KCNQ5: variants seen among roughly 807,000 people sequenced by gnomAD.
KCNQ5 encodes potassium voltage-gated channel subfamily Q member 5.
Under a neutral mutation model 98.2 loss-of-function variants are expected in KCNQ5, and 30 were observed. That is an observed-to-expected ratio of 0.31 (90% CI 0.23 to 0.41). The LOEUF (loss-of-function observed/expected upper bound fraction) is 0.41. KCNQ5 is among the 10% of genes least tolerant of loss of function. KCNQ5 has a pLI of 1.00. For missense variants in KCNQ5, 835 were observed against 1,182.5 expected, an observed-to-expected ratio of 0.71 and a Z score of 4.31; for synonymous variants, 458 against 449.4, an observed-to-expected ratio of 1.02 and a Z score of -0.24.
intron 1 of KCNQ5, among the ~76,000 whole-genome samples, chr6:72,905,280 C>G (rs1354826825): frequency 6.6e-6 from 1 of 152,064 alleles, no homozygotes; most frequent in African/African-American, 2.4e-5. Flanking sequence ...CTTCACTTCT[C>G]ATATCATTTG....
At chr6:73,074,316 A>T (rs1023653783) in intron 3 of KCNQ5, among the ~76,000 whole-genome samples, 2 of 152,226 alleles carry the variant, frequency 1.3e-5, no homozygotes, top group African/African-American at 2.4e-5. Context: ...GCAAAATTCC[A>T]GTGGATGACT....
intron 1 of KCNQ5, among the ~76,000 whole-genome samples, chr6:72,689,057 C>T (rs1374962090): frequency 6.6e-6 from 1 of 152,146 alleles, no homozygotes; most frequent in Non-Finnish European, 1.5e-5. Context: ...GTTCATTACT[C>T]ATTCAAAGTT....
intron 1 of KCNQ5, among the ~76,000 whole-genome samples, chr6:72,973,395 C>G (rs1319589541): frequency 6.6e-6 from 1 of 151,832 alleles, no homozygotes; most frequent in East Asian, 1.9e-4. Context: ...ATTTTTTTGT[C>G]AAGCATTTTG....
intron 1 of KCNQ5, among the ~76,000 whole-genome samples, chr6:72,898,183 A>C (rs1350246981): frequency 3.9e-5 from 6 of 152,148 alleles, no homozygotes; most frequent in Non-Finnish European, 7.3e-5. Flanking sequence ...TTTAAGTTCC[A>C]GGATACATGT....
intron 1 of KCNQ5, among the ~76,000 whole-genome samples, chr6:72,641,746 G>T (rs12212562): frequency 0.17 from 25,539 of 151,928 alleles, 2,467 homozygotes; most frequent in Middle Eastern, 0.25. Context: ...AAGGAGAAAA[G>T]AATTTTGGTA....
In KCNQ5 at chr6:73,111,410, G is replaced by A. The variant is rs765290049; in HGVS notation, c.1125+7G>A. The A allele has an allele frequency of 4.4e-6, 7 of 1,588,998 alleles. No homozygotes were observed. The South Asian group carries it at 6.7e-5, about 15-fold the overall frequency. ...AGCTGCCAACCTCATTCAGGTAAAT[G>A]TCAATGTAATAGGTAGATGGCAACA... On this transcript the variant is annotated splice_region_variant and intron_variant, in intron 7 of 13. Coordinates refer to ENST00000370398, the MANE Select transcript of KCNQ5 (RefSeq NM_019842.4).
chr6:73,065,607 T>C (rs1285048484), intron 3 of KCNQ5, among the ~76,000 whole-genome samples: 3 of 152,228 alleles, frequency 2.0e-5, no homozygotes, highest in Admixed American at 6.5e-5. Context: ...CGCTATCATA[T>C]AATACTTAGA....
chr6:72,665,776 C>T (rs539698852), intron 1 of KCNQ5, among the ~76,000 whole-genome samples: 5 of 152,248 alleles, frequency 3.3e-5, no homozygotes, highest in Admixed American at 1.3e-4. Context: ...AGTTATATAA[C>T]GCACACTCTG....
intron 1 of KCNQ5, among the ~76,000 whole-genome samples, chr6:72,807,414 A>G (rs924237581): frequency 3.9e-5 from 6 of 152,244 alleles, no homozygotes; most frequent in Admixed American, 1.3e-4. Context: ...TATAAATGAT[A>G]CATTTAATTA....
At position 72,818,323 on chromosome 6, in the gene KCNQ5, T is replaced by C. The variant is rs139983162; in HGVS notation, c.399-185585T>C. Reference sequence around the variant, plus strand: ...AACCATACGTCTCTGATTTAATAAATTTTCTGAGTCTGTATTAATACAGTT... The same window carrying C: ...AACCATACGTCTCTGATTTAATAAACTTTCTGAGTCTGTATTAATACAGTT... On this transcript the variant is annotated intron_variant, in intron 1 of 13. Coordinates refer to ENST00000370398, the MANE Select transcript of KCNQ5 (RefSeq NM_019842.4). 1.9e-3 allele frequency among the ~76,000 whole-genome samples: 291 copies of C among 152,222 alleles called. 3 individuals are homozygous for C. Among genetic ancestry groups the C allele is most frequent in the Admixed American group, 0.013 (203 of 15,282 alleles).
chr6:73,027,376 G>A (rs546305559), intron 2 of KCNQ5, among the ~76,000 whole-genome samples: 2 of 152,254 alleles, frequency 1.3e-5, no homozygotes, highest in South Asian at 4.2e-4. Flanking sequence ...ACACGTATTT[G>A]CATAGTAATT....
At chr6:72,854,965 G>A (rs189271485) in intron 1 of KCNQ5, among the ~76,000 whole-genome samples, 287 of 151,962 alleles carry the variant, frequency 1.9e-3, no homozygotes, top group Non-Finnish European at 3.3e-3. Flanking sequence ...TTGTACCATG[G>A]ATAATGATAC....
At chr6:72,770,010 A>G (rs1482659898) in intron 1 of KCNQ5, among the ~76,000 whole-genome samples, 2 of 152,066 alleles carry the variant, frequency 1.3e-5, no homozygotes, top group African/African-American at 2.4e-5. Flanking sequence ...AAAACTTTCA[A>G]TAAAAGAAAC....
chr6:72,652,825 C>G (rs1049247126), intron 1 of KCNQ5, among the ~76,000 whole-genome samples: 2 of 152,072 alleles, frequency 1.3e-5, no homozygotes, highest in Non-Finnish European at 2.9e-5. Flanking sequence ...ACAAGAGGCT[C>G]TAAGTATGAT....
intron 1 of KCNQ5, among the ~76,000 whole-genome samples, chr6:72,877,946 G>T (rs1778485166): frequency 6.6e-6 from 1 of 152,184 alleles, no homozygotes; most frequent in South Asian, 2.1e-4. Flanking sequence ...ATACAGTTAA[G>T]TTTCAGTTAA....
intron 1 of KCNQ5, among the ~76,000 whole-genome samples, chr6:72,636,187 A>G (rs2098924026): frequency 6.6e-6 from 1 of 152,340 alleles, no homozygotes; most frequent in East Asian, 1.9e-4. Context: ...GAATTATTAT[A>G]TAAAAATGCA....
intron 1 of KCNQ5, among the ~76,000 whole-genome samples, chr6:72,631,460 T>C (rs939171209): frequency 6.6e-6 from 1 of 151,890 alleles, no homozygotes; most frequent in African/African-American, 2.4e-5. Flanking sequence ...GACAAAAAGA[T>C]GGTCAGGGTT....
intron 1 of KCNQ5, among the ~76,000 whole-genome samples, chr6:72,943,001 C>T (rs1028331903): frequency 6.6e-6 from 1 of 152,078 alleles, no homozygotes; most frequent in Non-Finnish European, 1.5e-5. Flanking sequence ...ATTAAATAAT[C>T]GATTTTTTTA....
intron 1 of KCNQ5, among the ~76,000 whole-genome samples, chr6:72,943,923 G>A (rs938253662): frequency 3.9e-5 from 6 of 152,170 alleles, no homozygotes; most frequent in Admixed American, 2.6e-4. Context: ...GCTGTATAAG[G>A]CAGAAAGTAT....
Sources: gnomAD v4.1 joint callset for allele counts (sites outside exome capture counted in the v4.1 genomes callset) on GRCh38, gnomAD v4.1.1 for gene constraint, MANE v1.5 for transcripts, NCBI Gene and HGNC (gene_info 2026-07-23, HGNC 2026-07-21) for gene names.